The following ZDHHC15 variants were observed in gnomAD, a reference collection of about 807,000 sequenced individuals.
ZDHHC15 encodes palmitoyltransferase ZDHHC15.
A neutral mutation model predicts 31.7 loss-of-function variants in ZDHHC15; 19 were observed. The ratio of observed to expected loss-of-function variants is 0.60; its 90% CI spans 0.42 to 0.88. ZDHHC15 has a LOEUF of 0.88. ZDHHC15 is among the 40% of genes least tolerant of loss of function. The pLI, the probability that ZDHHC15 is intolerant of heterozygous loss-of-function variation, is 0.00. For synonymous variants in ZDHHC15, 103 were observed against 90.0 expected, an observed-to-expected ratio of 1.14 and a Z score of -0.82; for missense variants, 209 against 251.2, an observed-to-expected ratio of 0.83 and a Z score of 1.14.
At chrX:75,415,092 T>A (rs1432991151) in intron 10 of ZDHHC15, among the ~76,000 whole-genome samples, 2 of 111,611 alleles carry the variant, frequency 1.8e-5, no homozygotes, top group African/African-American at 6.5e-5. Flanking sequence ...ACATTTATAC[T>A]AAATGAAATG....
chrX:75,386,212 A>G (rs1301551737), intron 10 of ZDHHC15, among the ~76,000 whole-genome samples: 4 of 111,685 alleles, frequency 3.6e-5, no homozygotes, highest in Non-Finnish European at 1.9e-5. Context: ...TGAATATACT[A>G]GAGTCTGATG....
intron 4 of ZDHHC15, 131 bp from the exon 5 acceptor site, chrX:75,431,651 A>G: frequency 6.2e-6 from 3 of 481,797 alleles, no homozygotes; most frequent in Non-Finnish European, 9.7e-6. Context: ...GTTACCAAGC[A>G]AAAGGCAGAC....
chrX:75,492,388 C>T (rs1276882744), intron 2 of ZDHHC15, among the ~76,000 whole-genome samples: 5 of 110,866 alleles, frequency 4.5e-5, no homozygotes, highest in African/African-American at 1.6e-4. Context: ...AGAAAGTTAA[C>T]AAGGATATCC....
chrX:75,441,187 C>T (rs763245870), intron 4 of ZDHHC15, among the ~76,000 whole-genome samples: 2 of 112,017 alleles, frequency 1.8e-5, no homozygotes, highest in Non-Finnish European at 3.8e-5. Flanking sequence ...CCATTCATCT[C>T]CCTGGATTCT....
chrX:75,445,356 G>A, intron 4 of ZDHHC15, among the ~76,000 whole-genome samples: 1 of 111,705 alleles, frequency 9.0e-6, no homozygotes. Flanking sequence ...TCTGACAATG[G>A]AAATATGCAA....
intron 3 of ZDHHC15, among the ~76,000 whole-genome samples, chrX:75,464,625 G>A (rs1460565614): frequency 9.0e-6 from 1 of 111,074 alleles, no homozygotes; most frequent in Non-Finnish European, 1.9e-5. Flanking sequence ...AATCAAGGTG[G>A]CTTCATCCCC....
chrX:75,478,991 A>G lies in ZDHHC15; in HGVS notation c.164-6T>C. The G allele has an allele frequency of 8.8e-7, 1 of 1,135,618 alleles. No individual in the cohort carries two copies. The highest frequency in any genetic ancestry group is 1.2e-6 in the Non-Finnish European group (1 of 840,011). 93.6% of individuals were successfully genotyped at this position (1,135,618 alleles called of 1,213,427 possible). On this transcript the variant is annotated splice_polypyrimidine_tract_variant and splice_region_variant and intron_variant, in intron 2 of 11. Coordinates refer to ENST00000373367, the MANE Select transcript of ZDHHC15 (RefSeq NM_144969.3). The stretch of plus-strand genomic sequence containing the variant: ...GTAGAGTATGAGGTAAATAACTGAA[A>G]TAAAAAAAAAATCAGTGTTTATACT...
chrX:75,516,636 C>A (rs1300948821), intron 1 of ZDHHC15, among the ~76,000 whole-genome samples: 1 of 112,009 alleles, frequency 8.9e-6, no homozygotes, highest in Non-Finnish European at 1.9e-5. Flanking sequence ...AAAAACCCTA[C>A]AAGAAAACCC....
At chrX:75,462,151 T>C (rs965206568) in intron 3 of ZDHHC15, among the ~76,000 whole-genome samples, 1 of 111,729 alleles carries the variant, frequency 9.0e-6, no homozygotes, top group Admixed American at 9.5e-5. Flanking sequence ...CAAAACTGAC[T>C]TTAAACCAAC....
intron 1 of ZDHHC15, among the ~76,000 whole-genome samples, chrX:75,508,252 C>T (rs1433881905): frequency 1.9e-5 from 2 of 104,681 alleles, no homozygotes; most frequent in African/African-American, 7.0e-5. Context: ...CCCATTAACT[C>T]GTCATTTACA....
At chrX:75,413,143 A>G (rs761198838) in intron 10 of ZDHHC15, among the ~76,000 whole-genome samples, 2 of 112,432 alleles carry the variant, frequency 1.8e-5, no homozygotes, top group South Asian at 7.4e-4. Context: ...ATGTATTTGT[A>G]TTTCAAAATA....
rs776036061 is a variant in ZDHHC15, at chrX:75,500,398, TA to T, written c.163+5422del. Among the ~76,000 whole-genome samples the T allele has an allele frequency of 9.1e-5, 10 of 110,282 alleles. No homozygotes were observed. The South Asian group carries it at 2.6e-3, about 29-fold the overall frequency. ...TGGAAATACATTTATGATATATTATTAAAAAATATAGTTTCAGAAAAATATG... is the reference window on the plus strand; with the variant it reads ...TGGAAATACATTTATGATATATTATTAAAAATATAGTTTCAGAAAAATATG... On this transcript the variant is annotated intron_variant, in intron 2 of 11. Transcript: ENST00000373367.
intron 2 of ZDHHC15, among the ~76,000 whole-genome samples, chrX:75,495,360 G>A (rs2084975585): frequency 9.0e-6 from 1 of 111,727 alleles, no homozygotes; most frequent in African/African-American, 3.3e-5. Context: ...ACCCATTGTG[G>A]AGGTGAGTGT....
chrX:75,403,558 A>G (rs985000953), intron 10 of ZDHHC15, among the ~76,000 whole-genome samples: 15 of 112,115 alleles, frequency 1.3e-4, no homozygotes, highest in Non-Finnish European at 2.6e-4. Context: ...AATGTACAAA[A>G]ATCACTAGCA....
At chrX:75,470,405 G>T (rs750073282) in intron 3 of ZDHHC15, among the ~76,000 whole-genome samples, 4 of 111,085 alleles carry the variant, frequency 3.6e-5, no homozygotes, top group Non-Finnish European at 7.5e-5. Flanking sequence ...GAGTTTCATG[G>T]CTTGTGAGAG....
At chrX:75,464,001 C>G (rs751607595) in intron 3 of ZDHHC15, among the ~76,000 whole-genome samples, 7 of 111,795 alleles carry the variant, frequency 6.3e-5, no homozygotes, top group African/African-American at 1.9e-4. Flanking sequence ...TTTATTGCGG[C>G]ACTATTCACA....
At chrX:75,515,389 T>A (rs750232525) in intron 1 of ZDHHC15, among the ~76,000 whole-genome samples, 1 of 111,132 alleles carries the variant, frequency 9.0e-6, no homozygotes, top group Non-Finnish European at 1.9e-5. Context: ...TCCACCAAGA[T>A]CCAGTTGGCT....
At position 75,482,179 on chromosome X, in the gene ZDHHC15, A is replaced by G. The variant is rs763196541; in HGVS notation, c.164-3194T>C. 3.6e-5 allele frequency among the ~76,000 whole-genome samples: 4 copies of G among 111,395 alleles called. No individual in the cohort carries two copies. In the East Asian group the frequency reaches 1.1e-3, roughly 32 times the overall value. ...AAACTACCTATTGGGTACTATGCTTACTATTTGGGTGATGGGCTCAATTGT... is the reference window on the plus strand; with the variant it reads ...AAACTACCTATTGGGTACTATGCTTGCTATTTGGGTGATGGGCTCAATTGT... On this transcript the variant is annotated intron_variant, in intron 2 of 11. Coordinates refer to ENST00000373367, the MANE Select transcript of ZDHHC15 (RefSeq NM_144969.3).
chrX:75,463,607 A>AACAACAACAACAACAACAAC (rs58345977), intron 3 of ZDHHC15, among the ~76,000 whole-genome samples: 1 of 56,163 alleles, frequency 1.8e-5, no homozygotes, highest in East Asian at 2.9e-3. Context: ...ACAACAACAA[A>AACAACAACAACAACAACAAC]AAACCCATCA....
Sources: allele counts gnomAD v4.1 joint callset (sites outside exome capture counted in the v4.1 genomes callset), GRCh38; gene constraint gnomAD v4.1.1; transcripts MANE v1.5; gene names NCBI Gene and HGNC (gene_info 2026-07-23, HGNC 2026-07-21).